Variants in PIWIL1 observed in about 807,000 individuals in gnomAD.
PIWIL1 encodes piwi like RNA-mediated gene silencing 1.
Under a neutral mutation model 114.4 loss-of-function variants are expected in PIWIL1, and 73 were observed. The observed-to-expected ratio is 0.64, with a 90% confidence interval of 0.53 to 0.78. The LOEUF (loss-of-function observed/expected upper bound fraction) is 0.78, where lower values mean the gene tolerates loss of function less well. Ranked by LOEUF, PIWIL1 falls within the 30% of genes least tolerant of loss-of-function variation. The pLI is 0.00. For synonymous variants in PIWIL1, 375 were observed against 369.0 expected, an observed-to-expected ratio of 1.02 and a Z score of -0.19; for missense variants, 723 against 1,063.1, an observed-to-expected ratio of 0.68 and a Z score of 4.45.
the PIWIL1 span, among the ~76,000 whole-genome samples, chr12:130,408,761 G>A: frequency 3.3e-5 from 5 of 152,188 alleles, no homozygotes; most frequent in Non-Finnish European, 7.4e-5. Flanking sequence ...GCCACTTTTT[G>A]CTTACATTTG....
At chr12:130,355,705 A>G (rs756705540) in intron 12 of PIWIL1, 38 bp downstream of exon 12, 1 of 1,401,334 alleles carries the variant, frequency 7.1e-7, no homozygotes, top group South Asian at 1.2e-5. Flanking sequence ...GTTGTTTTTG[A>G]GACGGAGTCT....
At chr12:130,386,578 T>C in the PIWIL1 span, among the ~76,000 whole-genome samples, 2 of 21,282 alleles carry the variant, frequency 9.4e-5, no homozygotes, top group Non-Finnish European at 8.3e-5. Context: ...ACACCACCCC[T>C]TCCTGTCTCC....
At chr12:130,353,803 G>A (rs2073286248) in intron 9 of PIWIL1, among the ~76,000 whole-genome samples, 1 of 150,896 alleles carries the variant, frequency 6.6e-6, no homozygotes, top group African/African-American at 2.4e-5. Context: ...GTGTGCACCT[G>A]TAATCCCAGC....
In PIWIL1 at chr12:130,344,547, G is replaced by C. The variant is rs187620899; in HGVS notation, c.191-1206G>C. 9.8e-5 allele frequency among the ~76,000 whole-genome samples: 15 copies of C among 152,306 alleles called. No individual in the cohort carries two copies. The East Asian group carries it at 2.9e-3, about 29-fold the overall frequency. On this transcript the variant is annotated intron_variant, in intron 3 of 20. Coordinates refer to ENST00000245255, the MANE Select transcript of PIWIL1 (RefSeq NM_004764.5). ...TTAAATAACTGGTTTCCAAAGTATA[G>C]CAAGGACTGAAATATTTTAAGCCAC...
chr12:130,345,911 A>G lies in PIWIL1; in HGVS notation c.316+33A>G, dbSNP rs748618064. The G allele has an allele frequency of 2.5e-6, 4 of 1,608,284 alleles. No individual in the cohort carries two copies. The South Asian group carries it at 4.4e-5, about 18-fold the overall frequency. ...AATTAAGAATAAGTTTTGTGAGATT[A>G]CATCTCAGGAACACAGGACAGTGAA... On this transcript the variant is annotated intron_variant, in intron 4 of 20. Transcript: ENST00000245255.
intron 14 of PIWIL1, among the ~76,000 whole-genome samples, chr12:130,358,187 A>G (rs1358997243): frequency 1.3e-5 from 2 of 152,208 alleles, no homozygotes; most frequent in African/African-American, 4.8e-5. Context: ...CCTGTTTGCC[A>G]GAGTCTCGCT....
intron 18 of PIWIL1, 22 bp downstream of exon 18, chr12:130,363,166 C>T (rs1051073308): frequency 1.2e-6 from 2 of 1,607,992 alleles, no homozygotes; most frequent in African/African-American, 1.3e-5. Flanking sequence ...AATTGTAAAG[C>T]ATTTTCTTTT....
the PIWIL1 span, chr12:130,424,973 G>A: frequency 4.2e-5 from 23 of 546,236 alleles, no homozygotes; most frequent in South Asian, 1.0e-4. The surrounding 1 kb of genome is among the most constrained non-coding windows in gnomAD (Gnocchi z 9.8). Flanking sequence ...GCACCGAGGG[G>A]GGGGAAGCAT....
chr12:130,414,170 A>T, the PIWIL1 span: 2 of 1,614,194 alleles, frequency 1.2e-6, no homozygotes, highest in East Asian at 2.2e-5. Context: ...CCTCTGCAGC[A>T]TCTGGGTTTG....
In PIWIL1 at chr12:130,349,931, C is replaced by G. The variant is rs200572269; in HGVS notation, c.1008C>G (p.Asp336Glu). The change falls in exon 9 of 21, where the codon GAC (aspartate) becomes GAG (glutamate). Residue 336 changes from aspartate (D) to glutamate (E), a missense_variant. Around this residue, in one of 8 missense-constraint regions of PIWIL1, gnomAD observed 298 missense variants for 420.8 expected, o/e 0.71. Coordinates refer to ENST00000245255, the MANE Select transcript of PIWIL1 (RefSeq NM_004764.5). ...QNPKSTFKKADGSEVSFLEYY... is the reference protein window; with the variant it reads ...QNPKSTFKKAEGSEVSFLEYY... ...CCAAGAGCACCTTTAAGAAAGCCGA[C>G]GGCTCTGAAGTCAGCTTCTTAGAAT... 6.2e-7 allele frequency: 1 copy of G among 1,612,668 alleles called. No homozygotes were observed. The highest frequency in any genetic ancestry group is 1.1e-5 in the South Asian group (1 of 90,974).
chr12:130,348,298 C>T, intron 7 of PIWIL1, 115 bp downstream of exon 7: 1 of 589,290 alleles, frequency 1.7e-6, no homozygotes, highest in East Asian at 2.9e-5. Flanking sequence ...CCGCCCATCA[C>T]ATTATGTGAC....
the PIWIL1 span, among the ~76,000 whole-genome samples, chr12:130,389,636 AT>A: frequency 1.3e-5 from 2 of 152,132 alleles, no homozygotes; most frequent in African/African-American, 4.8e-5. Flanking sequence ...ATTTAAAAGT[AT>A]TATTAACATC....
At chr12:130,373,398 C>T (rs1214599860), downstream of PIWIL1, among the ~76,000 whole-genome samples, 1 of 152,086 alleles carries the variant, frequency 6.6e-6, no homozygotes, top group Non-Finnish European at 1.5e-5. Context: ...GTCTTTAGAA[C>T]CGTGAAAAAT....
Position 130,356,912 on chromosome 12 carries a change from T to C in PIWIL1, c.1405-6T>C, listed in dbSNP as rs1437500799. On this transcript the variant is annotated splice_region_variant and splice_polypyrimidine_tract_variant and intron_variant, in intron 12 of 20. Transcript: ENST00000245255. ...GAATTTACAGTGTGTCTGAACTCTC[T>C]TCTAGTTTGATTACAATCCACAATT... 1 of 1,600,156 alleles carries C rather than the reference T, an allele frequency of 6.2e-7. No individual in the cohort carries two copies. Among genetic ancestry groups the C allele is most frequent in the Non-Finnish European group, 8.5e-7 (1 of 1,170,596 alleles).
At chr12:130,413,904 G>T in the PIWIL1 span, among the ~76,000 whole-genome samples, 1 of 152,186 alleles carries the variant, frequency 6.6e-6, no homozygotes, top group East Asian at 1.9e-4. Context: ...ACATATTTGG[G>T]TGTGTTTGTG....
chr12:130,417,374 G>T, the PIWIL1 span, among the ~76,000 whole-genome samples: 2 of 152,208 alleles, frequency 1.3e-5, no homozygotes, highest in Non-Finnish European at 2.9e-5. Flanking sequence ...TAAAGATGTG[G>T]TGCGTATACC....
chr12:130,407,589 G>C, the PIWIL1 span: 11 of 773,342 alleles, frequency 1.4e-5, no homozygotes, highest in Non-Finnish European at 2.3e-5. Flanking sequence ...GCCATCCCTC[G>C]GATCGGCAGC....
At chr12:130,373,148 G>C (rs951929836), downstream of PIWIL1, among the ~76,000 whole-genome samples, 1 of 152,210 alleles carries the variant, frequency 6.6e-6, no homozygotes, top group Non-Finnish European at 1.5e-5. Flanking sequence ...CGATTTCTAA[G>C]CATGAGAAGA....
chr12:130,407,768 A>G, the PIWIL1 span: 1 of 1,614,200 alleles, frequency 6.2e-7, no homozygotes, highest in South Asian at 1.1e-5. Flanking sequence ...GGTCGTAGTC[A>G]TACAGGGCCA....
Sources: gnomAD v4.1 joint callset for allele counts (sites outside exome capture counted in the v4.1 genomes callset) on GRCh38, gnomAD v4.1.1 for gene constraint, gnomAD v4.1.1 regional missense constraint, Gnocchi (gnomAD v3.1) non-coding constraint, MANE v1.5 for transcripts, NCBI Gene and HGNC (gene_info 2026-07-23, HGNC 2026-07-21) for gene names.